GALNT5: variants seen among roughly 807,000 people sequenced by gnomAD.
The protein encoded by GALNT5 is polypeptide N-acetylgalactosaminyltransferase 5.
A neutral mutation model predicts 85.4 loss-of-function variants in GALNT5; 72 were observed. The observed-to-expected ratio is 0.84, with a 90% CI of 0.70 to 1.03. The LOEUF is 1.03. Among genes scored for constraint, GALNT5 ranks in the 50% least tolerant of loss-of-function variants. GALNT5 has a pLI of 0.00. For missense variants in GALNT5, 1,137 were observed against 1,135.5 expected, an observed-to-expected ratio of 1.00 and a Z score of -0.02; for synonymous variants, 404 against 397.0, an observed-to-expected ratio of 1.02 and a Z score of -0.21.
intron 9 of GALNT5, among the ~76,000 whole-genome samples, chr2:157,310,960 A>T (rs982361006): frequency 9.2e-5 from 14 of 152,192 alleles, no homozygotes; most frequent in Non-Finnish European, 2.1e-4. Context: ...TATCATCAAG[A>T]AATTTTTCTT....
intron 1 of GALNT5, among the ~76,000 whole-genome samples, chr2:157,264,597 G>GTT (rs113192643): frequency 1.3e-5 from 2 of 151,002 alleles, no homozygotes; most frequent in Non-Finnish European, 3.0e-5. Context: ...CTAAAGAAAG[G>GTT]TTTTTTTTTG....
intron 1 of GALNT5, among the ~76,000 whole-genome samples, chr2:157,281,454 C>T (rs1212709763): frequency 6.6e-6 from 1 of 152,112 alleles, no homozygotes; most frequent in East Asian, 1.9e-4. Flanking sequence ...TAGAAAAAGC[C>T]TAGAATGCCC....
chr2:157,309,441 T>A (rs2353290), intron 9 of GALNT5, among the ~76,000 whole-genome samples: 19,807 of 152,034 alleles, frequency 0.13, 2,530 homozygotes, highest in African/African-American at 0.32. Flanking sequence ...TCCTCTCCAT[T>A]TGTCCCAATT....
intron 4 of GALNT5, 77 bp downstream of exon 4, chr2:157,295,875 C>T: frequency 9.7e-7 from 1 of 1,027,750 alleles, no homozygotes; most frequent in Non-Finnish European, 1.4e-6. Context: ...GAGTATATGC[C>T]TAATATGTGT....
intron 7 of GALNT5, among the ~76,000 whole-genome samples, chr2:157,302,984 A>C (rs987474174): frequency 2.6e-5 from 4 of 152,268 alleles, no homozygotes; most frequent in Admixed American, 6.5e-5. Context: ...CAAATTAAGT[A>C]GATCATTATT....
intron 7 of GALNT5, among the ~76,000 whole-genome samples, chr2:157,304,211 G>A (rs919618939): frequency 6.6e-6 from 1 of 152,066 alleles, no homozygotes; most frequent in African/African-American, 2.4e-5. Context: ...GGACTGTGGG[G>A]GCATTGAATC....
intron 3 of GALNT5, among the ~76,000 whole-genome samples, chr2:157,288,237 A>G (rs1683019152): frequency 1.3e-5 from 2 of 152,242 alleles, no homozygotes; most frequent in Admixed American, 1.3e-4. Flanking sequence ...GTTTGCTAAC[A>G]AATGTCTTCT....
At chr2:157,288,833 G>A (rs1026762959) in intron 3 of GALNT5, among the ~76,000 whole-genome samples, 1 of 152,146 alleles carries the variant, frequency 6.6e-6, no homozygotes, top group Non-Finnish European at 1.5e-5. Context: ...AAGTACCAGG[G>A]AGGTGCCAGG....
At chr2:157,275,206 G>C (rs1682694192) in intron 1 of GALNT5, among the ~76,000 whole-genome samples, 1 of 152,184 alleles carries the variant, frequency 6.6e-6, no homozygotes, top group Non-Finnish European at 1.5e-5. Context: ...TTTGGTACCA[G>C]TACCATGCTG....
In GALNT5 at chr2:157,313,435, T is replaced by A. The variant is rs561464848; in HGVS notation, c.*2087T>A. 10 of 152,312 alleles carry A rather than the reference T, an allele frequency of 6.6e-5. No homozygotes were observed. The highest frequency in any genetic ancestry group is 6.2e-4 in the South Asian group (3 of 4,832). 9.4% of individuals were successfully genotyped at this position (152,312 alleles called of 1,614,324 possible). A position where few individuals can be genotyped will look rare whatever the true frequency, so the allele number is the denominator to read the frequency against. On this transcript the variant is annotated 3_prime_UTR_variant, in exon 10 of 10. Coordinates refer to ENST00000259056, the MANE Select transcript of GALNT5 (RefSeq NM_014568.3). ...ATTTCTCAGAATGTATTTGTGTTAT[T>A]AAATGATGCATGACTCTAATTCTTT...
chr2:157,304,624 A>G (rs1269354152), intron 7 of GALNT5, among the ~76,000 whole-genome samples: 1 of 152,200 alleles, frequency 6.6e-6, no homozygotes, highest in Non-Finnish European at 1.5e-5. Flanking sequence ...GAAGACCTGA[A>G]TTCCAGATTT....
intron 1 of GALNT5, among the ~76,000 whole-genome samples, chr2:157,262,309 A>T (rs1178376162): frequency 6.6e-6 from 1 of 151,968 alleles, no homozygotes; most frequent in East Asian, 1.9e-4. Flanking sequence ...CATCTTAAAG[A>T]TGAATGAGCT....
chr2:157,265,869 C>T (rs1682448387), intron 1 of GALNT5, among the ~76,000 whole-genome samples: 1 of 152,200 alleles, frequency 6.6e-6, no homozygotes, highest in Non-Finnish European at 1.5e-5. Flanking sequence ...AACTCAAGTA[C>T]CTCCTCAACT....
intron 7 of GALNT5, among the ~76,000 whole-genome samples, chr2:157,304,472 T>C (rs1253929407): frequency 6.6e-6 from 1 of 152,222 alleles, no homozygotes; most frequent in Non-Finnish European, 1.5e-5. Flanking sequence ...TAAATATTCA[T>C]CTCAAATCCA....
At chr2:157,277,550 A>G (rs964563918) in intron 1 of GALNT5, among the ~76,000 whole-genome samples, 2 of 152,178 alleles carry the variant, frequency 1.3e-5, no homozygotes, top group Non-Finnish European at 2.9e-5. Context: ...CTTCTTGTTC[A>G]ACTGATCCCT....
At position 157,305,790 on chromosome 2, in the gene GALNT5, C is replaced by T. The variant is rs1558904884; in HGVS notation, c.2481C>T (p.Asn827=). Residue 827 remains asparagine (N), a synonymous_variant, in exon 8 of 10, where the codon AAC becomes AAT. Coordinates refer to ENST00000259056, the MANE Select transcript of GALNT5 (RefSeq NM_014568.3). ...VALGKCISIE[N]TTVILEDCDG... ...TGGGTAAATGCATTTCCATTGAAAA[C>T]ACTACAGTCATTCTGGAAGACTGCG... The T allele has an allele frequency of 6.2e-7, 1 of 1,609,888 alleles. No individual in the cohort carries two copies. The highest frequency in any genetic ancestry group is 8.5e-7 in the Non-Finnish European group (1 of 1,176,338).
chr2:157,297,273 C>T (rs1683234850), intron 5 of GALNT5, among the ~76,000 whole-genome samples: 1 of 152,186 alleles, frequency 6.6e-6, no homozygotes, highest in African/African-American at 2.4e-5. Flanking sequence ...GTCATACCCG[C>T]CTTCCTTGCC....
At chr2:157,301,181 A>T (rs1187287882) in intron 7 of GALNT5, among the ~76,000 whole-genome samples, 182 bp downstream of exon 7, 1 of 152,232 alleles carries the variant, frequency 6.6e-6, no homozygotes, top group African/African-American at 2.4e-5. Flanking sequence ...CCAAGTGGTC[A>T]TGTTCATTGA....
At chr2:157,284,133 T>C in intron 1 of GALNT5, 149 bp from the exon 2 acceptor site, 1 of 602,990 alleles carries the variant, frequency 1.7e-6, no homozygotes, top group East Asian at 2.7e-5. Flanking sequence ...TCATCATTGG[T>C]ATATATAAAT....
Sources: allele counts gnomAD v4.1 joint callset (sites outside exome capture counted in the v4.1 genomes callset), GRCh38; gene constraint gnomAD v4.1.1; transcripts MANE v1.5; gene names NCBI Gene and HGNC (gene_info 2026-07-23, HGNC 2026-07-21).